PHACTR1: variants seen among roughly 807,000 people sequenced by gnomAD.
The protein encoded by PHACTR1 is phosphatase and actin regulator 1.
PHACTR1 carries 16 observed loss-of-function variants against 69.2 expected under a neutral mutation model. That is an observed-to-expected ratio of 0.23 (90% CI 0.16 to 0.35). The LOEUF (loss-of-function observed/expected upper bound fraction) is 0.35, where lower values mean the gene tolerates loss of function less well. Among genes scored for constraint, PHACTR1 ranks in the 10% least tolerant of loss-of-function variants. The probability of loss-of-function intolerance (pLI) is 1.00; values close to 1 mark genes in which losing one functional copy is unlikely to be tolerated. For missense variants in PHACTR1, 510 were observed against 734.7 expected, an observed-to-expected ratio of 0.69 and a Z score of 3.54; for synonymous variants, 312 against 284.5, an observed-to-expected ratio of 1.10 and a Z score of -0.97.
chr6:13,066,792 G>C (rs994785445), intron 5 of PHACTR1, among the ~76,000 whole-genome samples: 1 of 152,084 alleles, frequency 6.6e-6, no homozygotes, highest in African/African-American at 2.4e-5. Context: ...CTTTTCCATG[G>C]GGTTTCTTCC....
At chr6:13,143,671 A>T (rs1822852234) in intron 5 of PHACTR1, among the ~76,000 whole-genome samples, 1 of 152,212 alleles carries the variant, frequency 6.6e-6, no homozygotes, top group Non-Finnish European at 1.5e-5. Context: ...AATATAAATT[A>T]AAAAATAAAA....
At chr6:12,780,249 CTGTG>C (rs71552713) in intron 4 of PHACTR1, among the ~76,000 whole-genome samples, 2,927 of 147,528 alleles carry the variant, frequency 0.02, 61 homozygotes, top group East Asian at 0.091. Context: ...TATCTTTTCT[CTGTG>C]TGTGTGTGTG....
In PHACTR1 at chr6:12,833,505, C is replaced by T. The variant is rs188003627; in HGVS notation, c.250+83715C>T. Among the ~76,000 whole-genome samples, 209 of 152,126 alleles carry T rather than the reference C, an allele frequency of 1.4e-3. 1 individual carries two copies. The highest frequency in any genetic ancestry group is 3.5e-4 in the Non-Finnish European group (24 of 67,980). ...AACTCCTGACTTCAGGTGATCTGCC[C>T]GCCTCAGCCTCCCAAAGTGCTGAGA... On this transcript the variant is annotated intron_variant, in intron 4 of 14. Transcript: ENST00000332995.
chr6:13,141,366 A>G (rs1330933564), intron 5 of PHACTR1, among the ~76,000 whole-genome samples: 2 of 152,236 alleles, frequency 1.3e-5, no homozygotes, highest in South Asian at 4.1e-4. Flanking sequence ...ATGATGTCCT[A>G]AAGAACCTGA....
chr6:13,272,674 G>A (rs904475622), intron 10 of PHACTR1, 186 bp from the exon 11 acceptor site: 49 of 1,504,620 alleles, frequency 3.3e-5, no homozygotes, highest in Admixed American at 1.1e-4. Context: ...TGACGCACGT[G>A]CCTCTCCTGG....
chr6:12,864,403 G>A (rs931743422), intron 4 of PHACTR1, among the ~76,000 whole-genome samples: 4 of 152,116 alleles, frequency 2.6e-5, no homozygotes, highest in East Asian at 1.9e-4. Flanking sequence ...AAATCAGGTC[G>A]GGCGCCCTGG....
Position 12,749,845 on chromosome 6 carries a change from G to T in PHACTR1, c.250+55G>T. ...CCCCCGCCCTGCTCCCTCCCTCCCC[G>T]GCTGTTGAGCCCCCGCCCCTCCCGG... On this transcript the variant is annotated intron_variant, in intron 4 of 14. Transcript: ENST00000332995. 5 of 1,300,030 alleles carry T rather than the reference G, an allele frequency of 3.8e-6. 1 individual carries two copies. The South Asian group carries it at 7.3e-5, about 19-fold the overall frequency. The allele number at this position is 1,300,030 out of a possible 1,614,324, so 80.5% of individuals were successfully genotyped here. A position where few individuals can be genotyped will look rare whatever the true frequency, so the allele number is the denominator to read the frequency against.
At chr6:12,736,891 A>T (rs1008067830) in intron 3 of PHACTR1, among the ~76,000 whole-genome samples, 1 of 152,084 alleles carries the variant, frequency 6.6e-6, no homozygotes, top group Non-Finnish European at 1.5e-5. Flanking sequence ...CTATTGATCT[A>T]TTCGTCTAGA....
At chr6:12,903,080 C>A (rs994799102) in intron 4 of PHACTR1, among the ~76,000 whole-genome samples, 1 of 152,078 alleles carries the variant, frequency 6.6e-6, no homozygotes, top group African/African-American at 2.4e-5. Flanking sequence ...TGGTGAAGAG[C>A]GAGGGTCCTG....
chr6:13,233,622 T>C lies in PHACTR1; in HGVS notation c.1391+3429T>C, dbSNP rs143580943. Among the ~76,000 whole-genome samples the C allele has an allele frequency of 2.9e-3, 437 of 152,260 alleles. 3 individuals carry two copies. Among genetic ancestry groups the C allele is most frequent in the African/African-American group, 9.8e-3 (409 of 41,548 alleles). On this transcript the variant is annotated intron_variant, in intron 10 of 14. Coordinates refer to ENST00000332995, the MANE Select transcript of PHACTR1 (RefSeq NM_030948.6). ...TAAAACCATCAGATCTCGTGAGACC[T>C]ACTCATTATCATGAGAACAGCATGA...
rs368640329 is a variant in PHACTR1 at position 13,040,343 on chromosome 6, T to C, written c.251-13022T>C. 2.6e-5 allele frequency among the ~76,000 whole-genome samples: 4 copies of C among 152,142 alleles called. No homozygotes were observed. In the East Asian group the frequency reaches 7.7e-4, roughly 29 times the overall value. ...GTTGCCTTATAATTTAATGCTTAAA[T>C]TTTGGAAAGGGAAAAAGGAACAAGC... On this transcript the variant is annotated intron_variant, in intron 4 of 14. Transcript: ENST00000332995.
intron 4 of PHACTR1, among the ~76,000 whole-genome samples, chr6:12,803,442 T>A (rs1220163403): frequency 2.9e-4 from 44 of 152,066 alleles, no homozygotes; most frequent in Admixed American, 2.9e-3. Flanking sequence ...TACAGCAGAT[T>A]GGGCCTCCCG....
intron 4 of PHACTR1, among the ~76,000 whole-genome samples, chr6:12,954,174 T>C (rs1482663315): frequency 6.6e-6 from 1 of 151,770 alleles, no homozygotes; most frequent in Non-Finnish European, 1.5e-5. Flanking sequence ...CGAGAAGCCA[T>C]GACACAGTTA....
At chr6:13,281,590 TTGTC>T (rs10542364) in intron 12 of PHACTR1, 21,903 of 185,510 alleles carry the variant, frequency 0.12, 3,288 homozygotes, top group African/African-American at 0.38. Context: ...AAATAACACT[TTGTC>T]TGGCCCCTTG....
intron 4 of PHACTR1, among the ~76,000 whole-genome samples, chr6:12,919,376 C>A (rs539361119): frequency 1.3e-5 from 2 of 151,506 alleles, no homozygotes; most frequent in Non-Finnish European, 2.9e-5. Context: ...CTCCTGATCG[C>A]GTGATCTGCC....
chr6:12,791,152 CA>C (rs1772221274), intron 4 of PHACTR1, among the ~76,000 whole-genome samples: 1 of 152,112 alleles, frequency 6.6e-6, no homozygotes, highest in South Asian at 2.1e-4. Context: ...GAGATTTATA[CA>C]AAATGCTATG....
chr6:12,749,883 C>A, intron 4 of PHACTR1, 93 bp downstream of exon 4: 3 of 1,240,234 alleles, frequency 2.4e-6, no homozygotes, highest in South Asian at 1.6e-5. Flanking sequence ...GTCCTCCCCG[C>A]CGCCCCCCGC....
intron 4 of PHACTR1, among the ~76,000 whole-genome samples, chr6:12,894,918 A>G (rs1265395257): frequency 6.6e-6 from 1 of 152,212 alleles, no homozygotes; most frequent in Non-Finnish European, 1.5e-5. Flanking sequence ...ATGTAATAAA[A>G]TAATATGCAT....
intron 4 of PHACTR1, among the ~76,000 whole-genome samples, chr6:12,910,067 A>G (rs1004011933): frequency 6.6e-6 from 1 of 152,154 alleles, no homozygotes; most frequent in Non-Finnish European, 1.5e-5. Context: ...GCTCCTTTAT[A>G]TGAGCCCATC....
Sources: gnomAD v4.1 joint callset for allele counts (sites outside exome capture counted in the v4.1 genomes callset) on GRCh38, gnomAD v4.1.1 for gene constraint, MANE v1.5 for transcripts, NCBI Gene and HGNC (gene_info 2026-07-23, HGNC 2026-07-21) for gene names.